RBMS2: variants seen among roughly 807,000 people sequenced by gnomAD.
RBMS2 encodes the protein RNA-binding motif, single-stranded-interacting protein 2.
In RBMS2, 38 loss-of-function variants were observed where a neutral mutation model predicts 58.4. The ratio of observed to expected loss-of-function variants is 0.65; its 90% CI spans 0.50 to 0.85. The LOEUF is 0.85. RBMS2 is among the 40% of genes least tolerant of loss of function. The probability of loss-of-function intolerance (pLI) is 0.00; values close to 1 mark genes in which losing one functional copy is unlikely to be tolerated. For synonymous variants in RBMS2, 151 were observed against 180.7 expected (o/e 0.84, Z 1.32); for missense variants, 367 against 503.7 (o/e 0.73, Z 2.60).
chr12:56,559,588 A>G (rs1208986868), intron 1 of RBMS2, among the ~76,000 whole-genome samples: 1 of 149,952 alleles, frequency 6.7e-6, no homozygotes, highest in Non-Finnish European at 1.5e-5. Flanking sequence ...GCGGTGGCTC[A>G]TGCCTGTAAT....
intron 3 of RBMS2, among the ~76,000 whole-genome samples, 164 bp from the exon 4 acceptor site, chr12:56,569,735 G>T (rs1881969827): frequency 2.0e-5 from 3 of 152,032 alleles, no homozygotes; most frequent in Non-Finnish European, 4.4e-5. Flanking sequence ...CACATCTCAG[G>T]GTTTGAGGAG....
At chr12:56,546,030 G>A (rs1269770991) in intron 1 of RBMS2, among the ~76,000 whole-genome samples, 3 of 150,092 alleles carry the variant, frequency 2.0e-5, no homozygotes, top group East Asian at 2.0e-4. Context: ...TCTGCCTCCC[G>A]GGTTCAAGTG....
intron 5 of RBMS2, among the ~76,000 whole-genome samples, chr12:56,575,544 C>T (rs918356110): frequency 1.3e-5 from 2 of 150,844 alleles, no homozygotes; most frequent in Non-Finnish European, 3.0e-5. Context: ...ACTTCCTAGT[C>T]CCCCTTACCC....
intron 1 of RBMS2, among the ~76,000 whole-genome samples, chr12:56,554,800 A>T (rs1377210441): frequency 2.0e-5 from 3 of 152,164 alleles, no homozygotes; most frequent in Admixed American, 2.0e-4. Context: ...GGTACTAAAC[A>T]GCTTAGTTTT....
intron 1 of RBMS2, among the ~76,000 whole-genome samples, chr12:56,561,764 C>G (rs1026518544): frequency 1.3e-4 from 5 of 38,928 alleles, no homozygotes; most frequent in East Asian, 1.7e-3. Flanking sequence ...ATCCACCCCC[C>G]CCCTCCTTGG....
chr12:56,526,768 G>A (rs1054839277), intron 1 of RBMS2, among the ~76,000 whole-genome samples: 1 of 151,504 alleles, frequency 6.6e-6, no homozygotes, highest in Non-Finnish European at 1.5e-5. Context: ...TTGAGTATAG[G>A]TGAGATCGAA....
At position 56,593,940 on chromosome 12, in the gene RBMS2, A is replaced by C. The variant is rs1035556703; in HGVS notation, c.*4807A>C. 4 of 152,258 alleles carry C rather than the reference A, an allele frequency of 2.6e-5. No homozygotes were observed. Among genetic ancestry groups the C allele is most frequent in the Non-Finnish European group, 4.4e-5 (3 of 68,052 alleles). The allele number at this position is 152,258 out of a possible 1,614,324, so 9.4% of individuals were successfully genotyped here. On this transcript the variant is annotated 3_prime_UTR_variant, in exon 14 of 14. Transcript: ENST00000262031. ...GTAATAGACCTTGTCAGTAACAGATAAGGAGTGGTAAGAGGACATTACTCA... is the reference window on the plus strand; with the variant it reads ...GTAATAGACCTTGTCAGTAACAGATCAGGAGTGGTAAGAGGACATTACTCA...
intron 11 of RBMS2, 78 bp downstream of exon 11, chr12:56,587,742 C>T (rs529201688): frequency 1.6e-5 from 24 of 1,476,268 alleles, no homozygotes; most frequent in African/African-American, 1.4e-4. Context: ...GCGTAAGTAA[C>T]TTATGAATAA....
chr12:56,555,583 C>T lies in RBMS2; in HGVS notation c.67-6834C>T, dbSNP rs376370986. Among the ~76,000 whole-genome samples the T allele has an allele frequency of 1.8e-4, 28 of 151,362 alleles. No individual in the cohort carries two copies. The East Asian group carries it at 2.4e-3, about 13-fold the overall frequency. On this transcript the variant is annotated intron_variant, in intron 1 of 13. Coordinates refer to ENST00000262031, the MANE Select transcript of RBMS2 (RefSeq NM_002898.4). ...CAGCCTGGGCAACATAGCAAGACTC[C>T]GCCTCTATGCATTTTATTTTATTTT...
chr12:56,586,091 G>A (rs1884628104), intron 9 of RBMS2, among the ~76,000 whole-genome samples: 1 of 152,094 alleles, frequency 6.6e-6, no homozygotes, highest in Non-Finnish European at 1.5e-5. Flanking sequence ...CACTTTGGGA[G>A]GCTGAGGCGG....
chr12:56,567,116 G>A (rs2136449326), intron 2 of RBMS2, among the ~76,000 whole-genome samples: 1 of 152,256 alleles, frequency 6.6e-6, no homozygotes, highest in African/African-American at 2.4e-5. Flanking sequence ...CAAGTGTGGT[G>A]GCTCATGCCT....
chr12:56,588,449 TTCTC>T, intron 12 of RBMS2, 75 bp downstream of exon 12: 1 of 1,314,760 alleles, frequency 7.6e-7, no homozygotes, highest in Non-Finnish European at 1.1e-6. Flanking sequence ...ATCAAGATCT[TTCTC>T]TCACAATGAT....
chr12:56,580,435 G>A (rs1883785697), intron 5 of RBMS2: 5 of 291,664 alleles, frequency 1.7e-5, no homozygotes, highest in South Asian at 1.3e-4. Context: ...GTTTCTCCAT[G>A]TTGTCCAGGC....
chr12:56,573,792 G>A (rs1882725002), intron 5 of RBMS2, among the ~76,000 whole-genome samples: 1 of 148,788 alleles, frequency 6.7e-6, no homozygotes, highest in Non-Finnish European at 1.5e-5. Context: ...GCTCTGTCGC[G>A]TACCACAGGT....
intron 2 of RBMS2, among the ~76,000 whole-genome samples, chr12:56,564,156 T>C (rs958361904): frequency 2.6e-5 from 4 of 151,988 alleles, no homozygotes; most frequent in Non-Finnish European, 4.4e-5. Context: ...TTTACTGTGT[T>C]GTCCAGGCTG....
intron 1 of RBMS2, among the ~76,000 whole-genome samples, chr12:56,529,109 G>A (rs1011746152): frequency 6.6e-6 from 1 of 152,088 alleles, no homozygotes; most frequent in East Asian, 1.9e-4. Flanking sequence ...GGAAACATAT[G>A]TTACACAAAG....
intron 1 of RBMS2, among the ~76,000 whole-genome samples, chr12:56,553,832 T>G (rs1332797978): frequency 6.6e-6 from 1 of 151,304 alleles, no homozygotes; most frequent in Non-Finnish European, 1.5e-5. Flanking sequence ...CTTTGTTTTT[T>G]TTTTTTTTTT....
intron 2 of RBMS2, among the ~76,000 whole-genome samples, chr12:56,567,466 G>GGAA (rs896928117): frequency 4.6e-5 from 7 of 151,286 alleles, no homozygotes; most frequent in Non-Finnish European, 7.4e-5. Flanking sequence ...AGAAGAAGAA[G>GGAA]GAAGAAGAAG....
intron 1 of RBMS2, among the ~76,000 whole-genome samples, chr12:56,533,051 CA>C (rs1221801478): frequency 6.6e-6 from 1 of 152,084 alleles, no homozygotes; most frequent in African/African-American, 2.4e-5. Flanking sequence ...CCTCCCACCT[CA>C]GCCTCCTGAG....
Sources: gnomAD v4.1 joint callset for allele counts (sites outside exome capture counted in the v4.1 genomes callset) on GRCh38, gnomAD v4.1.1 for gene constraint, MANE v1.5 for transcripts, NCBI Gene and HGNC (gene_info 2026-07-23, HGNC 2026-07-21) for gene names.